The following AKR1C8 variants were observed in gnomAD, a reference collection of about 807,000 sequenced individuals.
AKR1C8 encodes aldo-keto reductase family 1 member C8, also known as aldo-keto reductase family 1 member C-like protein 1.
At chr10:5,116,502 A>G in the AKR1C8 span, among the ~76,000 whole-genome samples, 1 of 152,080 alleles carries the variant, frequency 6.6e-6, no homozygotes, top group Non-Finnish European at 1.5e-5. Flanking sequence ...GTACTAATAC[A>G]TTGGATGCTG....
chr10:5,183,512 G>A, the AKR1C8 span, among the ~76,000 whole-genome samples: 305 of 152,056 alleles, frequency 2.0e-3, 1 homozygote, highest in Non-Finnish European at 3.3e-3. Flanking sequence ...AACTCTAAAT[G>A]GTAATACTAA....
chr10:5,118,757 T>C, the AKR1C8 span, among the ~76,000 whole-genome samples: 2 of 152,162 alleles, frequency 1.3e-5, no homozygotes, highest in Admixed American at 6.6e-5. Flanking sequence ...CAATCATCAA[T>C]TGATTTTTAG....
chr10:5,151,797 T>A, the AKR1C8 span, among the ~76,000 whole-genome samples: 1 of 152,126 alleles, frequency 6.6e-6, no homozygotes, highest in Non-Finnish European at 1.5e-5. Flanking sequence ...CCTCAGGTGA[T>A]CTGCCCACCT....
the AKR1C8 span, among the ~76,000 whole-genome samples, chr10:5,170,887 A>G: frequency 6.6e-6 from 1 of 152,158 alleles, no homozygotes; most frequent in South Asian, 2.1e-4. Context: ...GATAGTTTCC[A>G]AATTTTGGAG....
At chr10:5,159,873 A>T in the AKR1C8 span, 1 of 511,446 alleles carries the variant, frequency 2.0e-6, no homozygotes, top group Non-Finnish European at 4.0e-6. Flanking sequence ...CCGGTGGGCT[A>T]AGGGCTCACC....
chr10:5,122,502 G>C, the AKR1C8 span, among the ~76,000 whole-genome samples: 1 of 152,184 alleles, frequency 6.6e-6, no homozygotes, highest in Non-Finnish European at 1.5e-5. Context: ...ACCTGGACTT[G>C]ACCACACTTG....
chr10:5,151,957 A>G, the AKR1C8 span, among the ~76,000 whole-genome samples: 1 of 152,200 alleles, frequency 6.6e-6, no homozygotes, highest in Non-Finnish European at 1.5e-5. Context: ...GAGTCATAGT[A>G]GGAATAGAGT....
chr10:5,140,447 C>T, the AKR1C8 span, among the ~76,000 whole-genome samples: 10 of 152,230 alleles, frequency 6.6e-5, no homozygotes, highest in Non-Finnish European at 1.2e-4. Context: ...CACATATACA[C>T]CATGGAATAC....
the AKR1C8 span, among the ~76,000 whole-genome samples, chr10:5,176,912 T>G: frequency 6.6e-6 from 1 of 152,202 alleles, no homozygotes; most frequent in Admixed American, 6.5e-5. Flanking sequence ...TATAGAATCA[T>G]GTCGTCTGCA....
chr10:5,121,464 C>G, the AKR1C8 span, among the ~76,000 whole-genome samples: 1 of 152,068 alleles, frequency 6.6e-6, no homozygotes, highest in African/African-American at 2.4e-5. Flanking sequence ...ATTTATAGAG[C>G]TGAGAAAATG....
chr10:5,172,667 A>G, the AKR1C8 span, among the ~76,000 whole-genome samples: 1 of 152,176 alleles, frequency 6.6e-6, no homozygotes, highest in Non-Finnish European at 1.5e-5. Flanking sequence ...AAATGCAAAC[A>G]AAAACGTATG....
At chr10:5,152,698 T>G in the AKR1C8 span, among the ~76,000 whole-genome samples, 3 of 152,294 alleles carry the variant, frequency 2.0e-5, no homozygotes, top group Non-Finnish European at 4.4e-5. Flanking sequence ...GAAAACCTTT[T>G]GCTTCTGGGG....
the AKR1C8 span, among the ~76,000 whole-genome samples, chr10:5,131,223 A>T: frequency 3.3e-5 from 5 of 152,218 alleles, no homozygotes; most frequent in African/African-American, 1.2e-4. Context: ...AACCATAAAA[A>T]TTCTAGAAGA....
the AKR1C8 span, among the ~76,000 whole-genome samples, chr10:5,128,830 TAA>T: frequency 6.6e-6 from 1 of 152,034 alleles, no homozygotes; most frequent in Admixed American, 6.6e-5. Flanking sequence ...AGCAACACAC[TAA>T]TAGTGAGGGA....
chr10:5,180,567 C>T, the AKR1C8 span, among the ~76,000 whole-genome samples: 1 of 152,166 alleles, frequency 6.6e-6, no homozygotes, highest in Admixed American at 6.5e-5. Context: ...TTGTCTGTGC[C>T]CTGCCCCCAG....
the AKR1C8 span, among the ~76,000 whole-genome samples, chr10:5,167,163 G>A: frequency 6.6e-6 from 1 of 152,170 alleles, no homozygotes; most frequent in African/African-American, 2.4e-5. Flanking sequence ...TGGAGAAATA[G>A]GAACACTTTT....
chr10:5,175,136 C>A, the AKR1C8 span, among the ~76,000 whole-genome samples: 6 of 141,444 alleles, frequency 4.2e-5, no homozygotes, highest in Admixed American at 4.3e-4. Flanking sequence ...TCCCCCAACC[C>A]CGCAACAGTC....
chr10:5,178,888 C>T, the AKR1C8 span, among the ~76,000 whole-genome samples: 15 of 152,180 alleles, frequency 9.9e-5, no homozygotes, highest in African/African-American at 2.9e-4. Flanking sequence ...ACATGAGATG[C>T]GTTTCCTGAA....
the AKR1C8 span, chr10:5,123,831 C>T: frequency 2.5e-6 from 4 of 1,603,808 alleles, no homozygotes; most frequent in Non-Finnish European, 3.4e-6. Context: ...CTGCAGATGA[C>T]AAAGATAGAA....
Sources: allele counts gnomAD v4.1 joint callset (sites outside exome capture counted in the v4.1 genomes callset), GRCh38; gene constraint gnomAD v4.1.1; transcripts MANE v1.5; gene names NCBI Gene and HGNC (gene_info 2026-07-23, HGNC 2026-07-21).